Variants in KARS1 observed in about 807,000 individuals in gnomAD.
The protein encoded by KARS1 is lysine--tRNA ligase.
In KARS1, 50 loss-of-function variants were observed where a neutral mutation model predicts 63.9. The observed-to-expected ratio is 0.78, with a 90% confidence interval of 0.62 to 0.99. The LOEUF (loss-of-function observed/expected upper bound fraction) is 0.99, where lower values mean the gene tolerates loss of function less well. Ranked by LOEUF, KARS1 falls within the 50% of genes least tolerant of loss-of-function variation. The pLI is 0.00. For missense variants in KARS1, 816 were observed against 754.5 expected (o/e 1.08, Z -0.95); for synonymous variants, 320 against 264.6 (o/e 1.21, Z -2.03).
chr16:75,632,987 T>A (rs1567499810), intron 7 of KARS1, among the ~76,000 whole-genome samples: 1 of 152,120 alleles, frequency 6.6e-6, no homozygotes, highest in Admixed American at 6.5e-5. Context: ...TTACCCTACC[T>A]CCATTAACTA....
intron 1 of KARS1, among the ~76,000 whole-genome samples, chr16:75,643,182 A>G (rs1243628400): frequency 1.3e-5 from 2 of 152,156 alleles, no homozygotes; most frequent in African/African-American, 4.8e-5. Context: ...GTAGGGAGGG[A>G]TATCTTTACT....
intron 3 of KARS1, 64 bp from the exon 4 acceptor site, chr16:75,636,611 C>CAA: frequency 2.1e-6 from 2 of 942,042 alleles, no homozygotes; most frequent in Non-Finnish European, 3.3e-6. Context: ...GTATCAGTGT[C>CAA]AAAAAAAAAC....
At chr16:75,631,634 C>A in intron 8 of KARS1, 45 bp from the exon 9 acceptor site, 1 of 1,613,638 alleles carries the variant, frequency 6.2e-7, no homozygotes, top group Non-Finnish European at 8.5e-7. Context: ...ATCCAGGCAG[C>A]CCTCCTCTGA....
chr16:75,628,890 AC>A, intron 12 of KARS1, 178 bp from the exon 13 acceptor site: 1 of 707,424 alleles, frequency 1.4e-6, no homozygotes, highest in Non-Finnish European at 2.5e-6. Context: ...TCTTTCAAAG[AC>A]CTGGAGGTCA....
intron 1 of KARS1, among the ~76,000 whole-genome samples, chr16:75,646,771 C>G (rs1406214790): frequency 6.6e-6 from 1 of 151,640 alleles, no homozygotes; most frequent in African/African-American, 2.4e-5. Flanking sequence ...CTCAGTCTCC[C>G]GAGTAGCTGG....
chr16:75,640,530 C>T (rs1037509260), intron 2 of KARS1, among the ~76,000 whole-genome samples, 181 bp from the exon 3 acceptor site: 4 of 152,126 alleles, frequency 2.6e-5, no homozygotes, highest in Non-Finnish European at 4.4e-5. Context: ...ATATGCAGGG[C>T]GGCCAGAGGC....
rs935956036 is a variant in KARS1 at position 75,629,352 on chromosome 16, A to T, written c.1551+63T>A. The T allele has an allele frequency of 1.0e-5, 16 of 1,601,086 alleles. No homozygotes were observed. The Admixed American group carries it at 2.7e-4, about 27-fold the overall frequency. On this transcript the variant is annotated intron_variant, in intron 12 of 13. Transcript: ENST00000302445. ...AAGAACGTATACGCTGACACAGATCAGGGTTAAGGCTGGTATTTCCTGGTG... is the reference window on the plus strand; with the variant it reads ...AAGAACGTATACGCTGACACAGATCTGGGTTAAGGCTGGTATTTCCTGGTG...
chr16:75,644,175 T>G, intron 1 of KARS1: 1 of 979,536 alleles, frequency 1.0e-6, no homozygotes, highest in Non-Finnish European at 1.5e-6. Flanking sequence ...GGCTCCTTGT[T>G]TCCTTAGCAA....
chr16:75,633,554 G>A (rs1428100154), intron 7 of KARS1, among the ~76,000 whole-genome samples: 1 of 125,528 alleles, frequency 8.0e-6, no homozygotes, highest in Admixed American at 9.8e-5. Flanking sequence ...GTCTCATTCT[G>A]TCACCCAGGC....
At chr16:75,628,892 C>A in intron 12 of KARS1, 180 bp from the exon 13 acceptor site, 1 of 704,560 alleles carries the variant, frequency 1.4e-6, no homozygotes, top group Non-Finnish European at 2.5e-6. Flanking sequence ...TTTCAAAGAC[C>A]TGGAGGTCAG....
chr16:75,640,941 G>A (rs1022932485), intron 2 of KARS1, among the ~76,000 whole-genome samples: 1 of 152,170 alleles, frequency 6.6e-6, no homozygotes, highest in South Asian at 2.1e-4. Context: ...GGTGGCTCAT[G>A]CCTGTAATCC....
At chr16:75,644,986 A>G (rs762633899) in intron 1 of KARS1, among the ~76,000 whole-genome samples, 5 of 152,246 alleles carry the variant, frequency 3.3e-5, no homozygotes, top group Non-Finnish European at 5.9e-5. Context: ...AGGTCCTTAG[A>G]CTGCGTTATG....
chr16:75,644,336 T>G (rs1204971319), intron 1 of KARS1: 1 of 1,609,860 alleles, frequency 6.2e-7, no homozygotes, highest in Admixed American at 1.7e-5. Context: ...AAGGAGCAAG[T>G]TGACCCAGTC....
chr16:75,635,032 T>G (rs1042621724), intron 6 of KARS1, among the ~76,000 whole-genome samples: 1 of 152,232 alleles, frequency 6.6e-6, no homozygotes, highest in South Asian at 2.1e-4. Context: ...ATAAAGATGC[T>G]TGTTGGAACA....
chr16:75,639,156 A>G (rs933838929), intron 3 of KARS1, among the ~76,000 whole-genome samples: 2 of 152,176 alleles, frequency 1.3e-5, no homozygotes, highest in African/African-American at 2.4e-5. Context: ...GGACAAGAGC[A>G]AGACTTCGCC....
intron 1 of KARS1, among the ~76,000 whole-genome samples, chr16:75,643,180 G>A (rs997694190): frequency 6.6e-6 from 1 of 151,874 alleles, no homozygotes; most frequent in African/African-American, 2.4e-5. Flanking sequence ...GTGTAGGGAG[G>A]GATATCTTTA....
Position 75,631,719 on chromosome 16 carries a change from A to T in KARS1, c.1052T>A (p.Met351Lys). The T allele has an allele frequency of 1.9e-6, 3 of 1,614,220 alleles. No homozygotes were observed. In the South Asian group the frequency reaches 3.3e-5, roughly 18 times the overall value. The change falls in exon 8 of 14, where the codon ATG (methionine) becomes AAG (lysine). Residue 351 changes from methionine to lysine, a missense_variant. Physicochemically the swap from Met to Lys is moderately conservative, Grantham distance 95 (BLOSUM62 -1). Coordinates refer to ENST00000302445, the MANE Select transcript of KARS1 (RefSeq NM_005548.3). ...YMAYADYHDL[M>K]EITEKMVSGM... is the part of the protein sequence containing the mutation. Reference sequence around the variant, plus strand: ...TGAAACCATCTTCTCCGTGATTTCCATGAGATCGTGATAGTCTGCATAGGC... The same window carrying T: ...TGAAACCATCTTCTCCGTGATTTCCTTGAGATCGTGATAGTCTGCATAGGC...
At chr16:75,634,124 T>G in intron 7 of KARS1, 49 bp downstream of exon 7, 1 of 1,600,604 alleles carries the variant, frequency 6.2e-7, no homozygotes, top group Non-Finnish European at 8.6e-7. Context: ...CCAGTGGTAT[T>G]CCAGCTTTCT....
At chr16:75,645,031 TAC>T (rs2082265849) in intron 1 of KARS1, among the ~76,000 whole-genome samples, 1 of 152,186 alleles carries the variant, frequency 6.6e-6, no homozygotes, top group African/African-American at 2.4e-5. Flanking sequence ...GCAACAGAAT[TAC>T]AGAGATCACC....
Sources: allele counts gnomAD v4.1 joint callset (sites outside exome capture counted in the v4.1 genomes callset), GRCh38; gene constraint gnomAD v4.1.1; transcripts MANE v1.5; gene names NCBI Gene and HGNC (gene_info 2026-07-23, HGNC 2026-07-21).